The following EFHC2 variants were observed in gnomAD, a reference collection of about 807,000 sequenced individuals.
EFHC2 encodes the protein EF-hand domain containing 2.
In EFHC2, 18 loss-of-function variants were observed where a neutral mutation model predicts 52.7. That is an observed-to-expected ratio of 0.34 (90% CI 0.24 to 0.51). The LOEUF (loss-of-function observed/expected upper bound fraction) is 0.51. Ranked by LOEUF, EFHC2 falls within the 20% of genes least tolerant of loss-of-function variation. The pLI is 0.97. For synonymous variants in EFHC2, 203 were observed against 204.1 expected (o/e 0.99, Z 0.04); for missense variants, 513 against 562.5 (o/e 0.91, Z 0.89).
chrX:44,339,822 C>A (rs1302046291), intron 1 of EFHC2, among the ~76,000 whole-genome samples: 2 of 111,463 alleles, frequency 1.8e-5, no homozygotes, highest in African/African-American at 6.5e-5. Context: ...CCATTCTATG[C>A]CAGAGAACAT....
At chrX:44,324,848 T>C (rs2038042858) in intron 1 of EFHC2, among the ~76,000 whole-genome samples, 1 of 112,175 alleles carries the variant, frequency 8.9e-6, no homozygotes. Context: ...ATTATCCAGA[T>C]ACCTGTTAAT....
intron 14 of EFHC2, among the ~76,000 whole-genome samples, chrX:44,149,439 A>C (rs894635050): frequency 1.4e-4 from 16 of 112,684 alleles, no homozygotes; most frequent in Non-Finnish European, 2.4e-4. Flanking sequence ...AACCATTGAA[A>C]TTTAAGGAGT....
chrX:44,246,804 TAG>T (rs1183199165), intron 7 of EFHC2, among the ~76,000 whole-genome samples: 1 of 112,203 alleles, frequency 8.9e-6, no homozygotes, highest in East Asian at 2.8e-4. Flanking sequence ...AACCAAAAGT[TAG>T]ACTTTATGTT....
intron 14 of EFHC2, among the ~76,000 whole-genome samples, chrX:44,160,921 CA>C (rs771046918): frequency 0.031 from 2,816 of 90,240 alleles, 102 homozygotes; most frequent in African/African-American, 0.1. Context: ...GACTTCGTCT[CA>C]AAAAAAAAAA....
At chrX:44,234,771 C>T (rs1271073439) in intron 9 of EFHC2, among the ~76,000 whole-genome samples, 2 of 111,622 alleles carry the variant, frequency 1.8e-5, no homozygotes, top group African/African-American at 6.5e-5. Flanking sequence ...ACAGTGGTAC[C>T]AGCATATTAC....
At chrX:44,268,297 G>A (rs2037592383) in intron 3 of EFHC2, among the ~76,000 whole-genome samples, 1 of 111,039 alleles carries the variant, frequency 9.0e-6, no homozygotes, top group Admixed American at 9.7e-5. Flanking sequence ...TTTGGAATCT[G>A]CCTATGTGAG....
At chrX:44,236,973 G>A (rs939782378) in intron 8 of EFHC2, among the ~76,000 whole-genome samples, 4 of 110,883 alleles carry the variant, frequency 3.6e-5, no homozygotes, top group East Asian at 2.8e-4. Context: ...ATTTATAAGT[G>A]TACATGTTAA....
chrX:44,233,135 G>A (rs1215692145), intron 9 of EFHC2, among the ~76,000 whole-genome samples: 1 of 112,025 alleles, frequency 8.9e-6, no homozygotes, highest in Non-Finnish European at 1.9e-5. Context: ...CAGCATACTG[G>A]GAGTGTGGAA....
intron 11 of EFHC2, among the ~76,000 whole-genome samples, chrX:44,225,913 G>A (rs1039217778): frequency 6.3e-5 from 7 of 111,778 alleles, no homozygotes; most frequent in African/African-American, 2.3e-4. Flanking sequence ...AACGTTCCTT[G>A]AGAAATAGGA....
chrX:44,178,534 G>A lies in EFHC2; in HGVS notation c.1782C>T (p.Asn594=), dbSNP rs369113642. ...TGGTTACAAATTCTTGCTCTGCAAG[G>A]TTTCCAACAGTCAAAGACATCAATA... ...RDILMSLTVG[N]LAEQEFVTIA... The change falls in exon 12 of 15, where the codon AAC becomes AAT. Residue 594 remains asparagine (N), a synonymous_variant. Transcript: ENST00000420999. 2.5e-6 allele frequency: 3 copies of A among 1,195,630 alleles called. No individual in the cohort carries two copies. In the Admixed American group the frequency reaches 7.0e-5, roughly 28 times the overall value.
At chrX:44,288,849 A>G (rs1181253405) in intron 2 of EFHC2, among the ~76,000 whole-genome samples, 4 of 112,251 alleles carry the variant, frequency 3.6e-5, no homozygotes, top group Non-Finnish European at 5.6e-5. Flanking sequence ...TTGGAGAGCA[A>G]TAACAAAGCA....
At chrX:44,212,297 C>T (rs937898447) in intron 11 of EFHC2, among the ~76,000 whole-genome samples, 1 of 111,519 alleles carries the variant, frequency 9.0e-6, no homozygotes. Context: ...GGTTGGGCGG[C>T]GAGCCTGCAC....
At chrX:44,233,647 C>T (rs1291413194) in intron 9 of EFHC2, among the ~76,000 whole-genome samples, 1 of 111,606 alleles carries the variant, frequency 9.0e-6, no homozygotes, top group Non-Finnish European at 1.9e-5. Flanking sequence ...GTCATTTGTT[C>T]GCTCGCTGGG....
At chrX:44,309,389 T>C (rs2037928491) in intron 2 of EFHC2, 2 of 914,046 alleles carry the variant, frequency 2.2e-6, no homozygotes, top group East Asian at 6.2e-5. Context: ...ACTCGCCTAC[T>C]CTCCTCTCAA....
chrX:44,177,958 C>T (rs2036800373), intron 12 of EFHC2, among the ~76,000 whole-genome samples: 1 of 106,550 alleles, frequency 9.4e-6, no homozygotes, highest in Admixed American at 1.0e-4. Flanking sequence ...CCTGTCTCTA[C>T]TAAAAATACA....
At chrX:44,309,799 G>A (rs1450211170) in intron 2 of EFHC2, 5 of 1,050,056 alleles carry the variant, frequency 4.8e-6, no homozygotes, top group Non-Finnish European at 6.7e-6. Context: ...TGCAGCAAAG[G>A]CTACAACACG....
intron 2 of EFHC2, among the ~76,000 whole-genome samples, chrX:44,297,311 A>G (rs975964212): frequency 4.5e-5 from 5 of 111,480 alleles, no homozygotes; most frequent in Non-Finnish European, 9.4e-5. Flanking sequence ...CCATGTTTCC[A>G]AAGAACACCC....
At chrX:44,317,347 G>C (rs149947383) in intron 1 of EFHC2, among the ~76,000 whole-genome samples, 1 of 112,511 alleles carries the variant, frequency 8.9e-6, no homozygotes, top group South Asian at 3.7e-4. Context: ...CTGCATTTAT[G>C]AGAAAGTTTG....
At chrX:44,340,316 G>A (rs915331605) in intron 1 of EFHC2, among the ~76,000 whole-genome samples, 10 of 111,346 alleles carry the variant, frequency 9.0e-5, no homozygotes, top group Non-Finnish European at 1.9e-4. Context: ...TTAGACAAGA[G>A]ATAAGTAAGT....
Sources: gnomAD v4.1 joint callset for allele counts (sites outside exome capture counted in the v4.1 genomes callset) on GRCh38, gnomAD v4.1.1 for gene constraint, MANE v1.5 for transcripts, NCBI Gene and HGNC (gene_info 2026-07-23, HGNC 2026-07-21) for gene names.